PCDHGB7: variants seen among roughly 807,000 people sequenced by gnomAD.
PCDHGB7 encodes the protein protocadherin gamma-B7.
A neutral mutation model predicts 61.4 loss-of-function variants in PCDHGB7; 37 were observed. The ratio of observed to expected loss-of-function variants is 0.60; its 90% CI spans 0.46 to 0.79. The LOEUF is 0.79. Ranked by LOEUF, PCDHGB7 falls within the 30% of genes least tolerant of loss-of-function variation. The pLI is 0.00. For synonymous variants in PCDHGB7, 464 were observed against 503.5 expected, an observed-to-expected ratio of 0.92 and a Z score of 1.05; for missense variants, 1,166 against 1,202.5, an observed-to-expected ratio of 0.97 and a Z score of 0.45.
At chr5:141,509,692 C>T (rs755446680) in intron 3 of PCDHGB7, among the ~76,000 whole-genome samples, 8 of 152,126 alleles carry the variant, frequency 5.3e-5, no homozygotes, top group Non-Finnish European at 1.0e-4. Context: ...TACAGTGGGA[C>T]GTTGGACTGG....
In PCDHGB7 at chr5:141,421,687, G is replaced by C. The variant is rs763146085; in HGVS notation, c.2415+1413G>C. On this transcript the variant is annotated intron_variant, in intron 1 of 3. Coordinates refer to ENST00000398594, the MANE Select transcript of PCDHGB7 (RefSeq NM_018927.4). ...GCACGCAATTCCTGGGGCGCGATTT[G>C]CTCTTCCTAATGCTAGGGATCCAGA... 1.3e-5 allele frequency: 21 copies of C among 1,613,788 alleles called. No individual in the cohort carries two copies. Among genetic ancestry groups the C allele is most frequent in the Non-Finnish European group, 1.8e-5 (21 of 1,179,860 alleles).
Position 141,510,979 on chromosome 5 carries a change from G to A in PCDHGB7, c.2596G>A (p.Gly866Ser). 6.2e-7 allele frequency: 1 copy of A among 1,614,156 alleles called. No homozygotes were observed. The highest frequency in any genetic ancestry group is 8.5e-7 in the Non-Finnish European group (1 of 1,180,018). Reference sequence around the variant, plus strand: ...TGATGGGAGCTCCACCCTGGGAGGGGGTGCCGGCACCATGGGATTGAGCGC... The same window carrying A: ...TGATGGGAGCTCCACCCTGGGAGGGAGTGCCGGCACCATGGGATTGAGCGC... ...AADGSSTLGG[G>S]AGTMGLSARY... The change falls in exon 4 of 4, where the codon GGT becomes AGT. Residue 866 changes from glycine (G) to serine (S), a missense_variant. Physicochemically the swap from Gly to Ser is moderately conservative, Grantham distance 56. Transcript: ENST00000398594.
At position 141,489,733 on chromosome 5, in the gene PCDHGB7, A is replaced by C; in HGVS notation, c.2416-5074A>C. ...TGCCCAGGATCCGGATGTGGGCACC[A>C]ATACTGTGAGCTTTTACACTCTAAG... On this transcript the variant is annotated intron_variant, in intron 1 of 3. Coordinates refer to ENST00000398594, the MANE Select transcript of PCDHGB7 (RefSeq NM_018927.4). This position sits in a 1 kb window ranked among gnomAD's most constrained non-coding sequence, Gnocchi z 4.5. 1 of 1,614,168 alleles carries C rather than the reference A, an allele frequency of 6.2e-7. No individual in the cohort carries two copies. The highest frequency in any genetic ancestry group is 1.1e-5 in the South Asian group (1 of 91,078).
chr5:141,423,219 T>G (rs775170753), intron 1 of PCDHGB7: 4 of 1,613,752 alleles, frequency 2.5e-6, no homozygotes, highest in Non-Finnish European at 3.4e-6. Context: ...TCACCGTGGC[T>G]GTGGCCGACA....
chr5:141,491,954 C>CA lies in PCDHGB7; in HGVS notation c.2416-2847dup. 1 of 1,032,920 alleles carries CA rather than the reference C, an allele frequency of 9.7e-7. No homozygotes were observed. Among genetic ancestry groups the CA allele is most frequent in the Non-Finnish European group, 1.3e-6 (1 of 747,262 alleles). 64.0% of individuals were successfully genotyped at this position (1,032,920 alleles called of 1,614,324 possible). A position where few individuals can be genotyped will look rare whatever the true frequency, so the allele number is the denominator to read the frequency against. ...TGGGACCGACCCCCACCCCTACACTCAAAAAAGGCCGGGGCCTCCTTCGAG... is the reference window on the plus strand; with the variant it reads ...TGGGACCGACCCCCACCCCTACACTCAAAAAAAGGCCGGGGCCTCCTTCGAG... On this transcript the variant is annotated intron_variant, in intron 1 of 3. Coordinates refer to ENST00000398594, the MANE Select transcript of PCDHGB7 (RefSeq NM_018927.4). This position sits in a 1 kb window ranked among gnomAD's most constrained non-coding sequence, Gnocchi z 6.9.
At chr5:141,462,503 A>G (rs1338834436) in intron 1 of PCDHGB7, among the ~76,000 whole-genome samples, 1 of 152,060 alleles carries the variant, frequency 6.6e-6, no homozygotes, top group East Asian at 1.9e-4. Context: ...ATAATTGTCA[A>G]CTAGATCAAG....
Position 141,485,274 on chromosome 5 carries a change from C to A in PCDHGB7, c.2416-9533C>A. 1 of 1,614,106 alleles carries A rather than the reference C, an allele frequency of 6.2e-7. No homozygotes were observed. The highest frequency in any genetic ancestry group is 1.3e-5 in the African/African-American group (1 of 75,036). ...TACGTTTGTGGGCAGATCCGCTACC[C>A]GGTCCCAGAGGAGTCACAGGAAGGG... On this transcript the variant is annotated intron_variant, in intron 1 of 3. Transcript: ENST00000398594. The surrounding 1 kb of genome is among the most constrained non-coding windows in gnomAD (Gnocchi z 5.7).
At chr5:141,426,919 C>T (rs1220443930) in intron 1 of PCDHGB7, 1 of 456,620 alleles carries the variant, frequency 2.2e-6, no homozygotes, top group African/African-American at 2.0e-5. Flanking sequence ...GTCCTGGAAG[C>T]AATGGACATG....
chr5:141,429,330 T>C (rs2097204620), intron 1 of PCDHGB7, among the ~76,000 whole-genome samples: 1 of 152,188 alleles, frequency 6.6e-6, no homozygotes, highest in East Asian at 1.9e-4. Flanking sequence ...CTTTAATCCA[T>C]TAACTATAAA....
chr5:141,490,103 C>T lies in PCDHGB7; in HGVS notation c.2416-4704C>T, dbSNP rs1012215533. ...TCTTTTGGAGACCACACATCTGAGG[C>T]AGTGCGGAACCTCTTTGGCCTAGAC... On this transcript the variant is annotated intron_variant, in intron 1 of 3. Coordinates refer to ENST00000398594, the MANE Select transcript of PCDHGB7 (RefSeq NM_018927.4). The surrounding 1 kb of genome is among the most constrained non-coding windows in gnomAD (Gnocchi z 5.4). The T allele has an allele frequency of 6.2e-7, 1 of 1,614,122 alleles. No homozygotes were observed. The highest frequency in any genetic ancestry group is 1.3e-5 in the African/African-American group (1 of 74,954).
Position 141,423,580 on chromosome 5 carries a change from A to C in PCDHGB7, c.2415+3306A>C, listed in dbSNP as rs368022774. 46 of 1,613,286 alleles carry C rather than the reference A, an allele frequency of 2.9e-5. No individual in the cohort carries two copies. In the African/African-American group the frequency reaches 5.6e-4, roughly 20 times the overall value. On this transcript the variant is annotated intron_variant, in intron 1 of 3. Coordinates refer to ENST00000398594, the MANE Select transcript of PCDHGB7 (RefSeq NM_018927.4). ...TGGGGACACGCTCATCAGCCAGGAGAGCTGTGAGAAAAGCGAGCCACTCTT... is the reference window on the plus strand; with the variant it reads ...TGGGGACACGCTCATCAGCCAGGAGCGCTGTGAGAAAAGCGAGCCACTCTT...
chr5:141,494,977 T>C, intron 2 of PCDHGB7, 112 bp downstream of exon 2: 1 of 1,574,332 alleles, frequency 6.4e-7, no homozygotes, highest in East Asian at 2.3e-5. Context: ...TCTCCCTCAG[T>C]TTGAGATCCC....
rs774071540 is a variant in PCDHGB7, at chr5:141,511,042, G to A, written c.2659G>A (p.Asp887Asn). 8 of 1,614,064 alleles carry A rather than the reference G, an allele frequency of 5.0e-6. No homozygotes were observed. Among genetic ancestry groups the A allele is most frequent in the Non-Finnish European group, 6.8e-6 (8 of 1,180,016 alleles). Residue 887 changes from aspartate to asparagine, a missense_variant, in exon 4 of 4, where the codon GAC becomes AAC. Physicochemically the swap from Asp to Asn is conservative, Grantham distance 23. Coordinates refer to ENST00000398594, the MANE Select transcript of PCDHGB7 (RefSeq NM_018927.4). Reference sequence around the variant, plus strand: ...CCAGTTCACCCTGCAGCACGTGCCCGACTACCGCCAGAATGTCTACATCCC... The same window carrying A: ...CCAGTTCACCCTGCAGCACGTGCCCAACTACCGCCAGAATGTCTACATCCC... ...GPQFTLQHVPDYRQNVYIPGS... is the reference protein window; with the variant it reads ...GPQFTLQHVPNYRQNVYIPGS...
Position 141,418,284 on chromosome 5 carries a change from T to A in PCDHGB7, c.425T>A (p.Ile142Asn), listed in dbSNP as rs766608852. The change falls in exon 1 of 4, where the codon ATC becomes AAC. Residue 142 changes from isoleucine to asparagine, a missense_variant. Coordinates refer to ENST00000398594, the MANE Select transcript of PCDHGB7 (RefSeq NM_018927.4). ...QFRKDEINLE[I>N]SESVSLGMGT... ...CGGAAAGATGAAATAAACTTAGAAA[T>A]CAGTGAATCCGTCAGCCTGGGGATG... 19 of 1,613,826 alleles carry A rather than the reference T, an allele frequency of 1.2e-5. No homozygotes were observed. The highest frequency in any genetic ancestry group is 1.4e-5 in the Non-Finnish European group (17 of 1,179,862).
At chr5:141,465,337 G>GCC (rs2099101328) in intron 1 of PCDHGB7, among the ~76,000 whole-genome samples, 6 of 151,962 alleles carry the variant, frequency 3.9e-5, no homozygotes, top group Admixed American at 2.6e-4. Flanking sequence ...TTTTTATATT[G>GCC]GTTACTGAAG....
rs1404533394 is a variant in PCDHGB7, at chr5:141,491,708, G to T, written c.2416-3099G>T. ...CTGCGGGAGCGGAGCCAGGTGAGGG[G>T]CTCGGCGCCGCCCCGGGCGACCCCT... On this transcript the variant is annotated intron_variant, in intron 1 of 3. Transcript: ENST00000398594. The surrounding 1 kb of genome is among the most constrained non-coding windows in gnomAD (Gnocchi z 6.9). 1 of 1,610,132 alleles carries T rather than the reference G, an allele frequency of 6.2e-7. No individual in the cohort carries two copies. Among genetic ancestry groups the T allele is most frequent in the Admixed American group, 1.7e-5 (1 of 59,518 alleles).
intron 1 of PCDHGB7, among the ~76,000 whole-genome samples, chr5:141,456,244 T>C (rs1382294283): frequency 6.6e-6 from 1 of 152,144 alleles, no homozygotes; most frequent in East Asian, 1.9e-4. Context: ...GTTAGGAGGC[T>C]TTGGGCGACC....
rs768907590 is a variant in PCDHGB7, at chr5:141,422,045, G to C, written c.2415+1771G>C. Reference sequence around the variant, plus strand: ...GTTAATGCAACGGATCCAGACGAGGGAATCAACGGGGAAGTAATGTATTCA... The same window carrying C: ...GTTAATGCAACGGATCCAGACGAGGCAATCAACGGGGAAGTAATGTATTCA... On this transcript the variant is annotated intron_variant, in intron 1 of 3. Transcript: ENST00000398594. 1.5e-5 allele frequency: 24 copies of C among 1,611,434 alleles called. No individual in the cohort carries two copies. The Admixed American group carries it at 3.9e-4, about 26-fold the overall frequency.
At chr5:141,433,128 C>T (rs773994964) in intron 1 of PCDHGB7, 3 of 1,614,158 alleles carry the variant, frequency 1.9e-6, no homozygotes, top group Non-Finnish European at 1.7e-6. Flanking sequence ...AAAAGCGAGC[C>T]CCTTTTGCTG....
Sources: gnomAD v4.1 joint callset for allele counts (sites outside exome capture counted in the v4.1 genomes callset) on GRCh38, gnomAD v4.1.1 for gene constraint, Gnocchi (gnomAD v3.1) non-coding constraint, MANE v1.5 for transcripts, NCBI Gene and HGNC (gene_info 2026-07-23, HGNC 2026-07-21) for gene names.